ARAP2: variants seen among roughly 807,000 people sequenced by gnomAD.
ARAP2 encodes the protein ArfGAP with RhoGAP domain, ankyrin repeat and PH domain 2, also known as arf-GAP with Rho-GAP domain, ANK repeat and PH domain-containing protein 2.
Under a neutral mutation model 194.5 loss-of-function variants are expected in ARAP2, and 148 were observed. That is an observed-to-expected ratio of 0.76 (90% CI 0.67 to 0.87). ARAP2 has a LOEUF of 0.87. ARAP2 is among the 40% of genes least tolerant of loss of function. ARAP2 has a pLI of 0.00. For missense variants in ARAP2, 2,128 were observed against 1,989.7 expected (o/e 1.07, Z -1.32); for synonymous variants, 695 against 683.5 (o/e 1.02, Z -0.26).
At position 36,068,174 on chromosome 4, in the gene ARAP2, C is replaced by T. The variant is rs1725936564; in HGVS notation, c.4848G>A (p.Leu1616=). ...TTCGAAGTTTATCGTCCTTGTGCTC[C>T]AGGCAGTGGGCCACCATGGAAGCTC... ...KERASMVAHC[L]EHKDDKLRNR... is the part of the protein sequence containing the mutation. Residue 1616 remains leucine, a synonymous_variant, in exon 33 of 33, where the codon CTG becomes CTA. Coordinates refer to ENST00000303965, the MANE Select transcript of ARAP2 (RefSeq NM_015230.4). The T allele has an allele frequency of 6.2e-7, 1 of 1,613,934 alleles. No individual in the cohort carries two copies.
At position 36,165,510 on chromosome 4, in the gene ARAP2, G is replaced by C. The variant is rs1360369745; in HGVS notation, c.1974-397C>G. On this transcript the variant is annotated intron_variant, in intron 10 of 32. Coordinates refer to ENST00000303965, the MANE Select transcript of ARAP2 (RefSeq NM_015230.4). ...CCAAGCAAGTATGCCATGATAGTCT[G>C]AAACTATGTTATCAAAAACACCCAC... 4.6e-5 allele frequency among the ~76,000 whole-genome samples: 7 copies of C among 151,878 alleles called. No individual in the cohort carries two copies. The East Asian group carries it at 1.2e-3, about 25-fold the overall frequency.
At chr4:36,203,584 A>G (rs1744905644) in intron 6 of ARAP2, among the ~76,000 whole-genome samples, 1 of 152,042 alleles carries the variant, frequency 6.6e-6, no homozygotes, top group Non-Finnish European at 1.5e-5. Flanking sequence ...ACTGTGTCTC[A>G]AAAAAACAAA....
At chr4:36,147,471 G>T in intron 18 of ARAP2, 77 bp downstream of exon 18, 1 of 1,558,444 alleles carries the variant, frequency 6.4e-7, no homozygotes, top group East Asian at 2.2e-5. Flanking sequence ...AAGCCATCAA[G>T]ATCTTACTAA....
chr4:36,149,674 CTTATT>C (rs1445443690), intron 16 of ARAP2, among the ~76,000 whole-genome samples: 1 of 152,100 alleles, frequency 6.6e-6, no homozygotes, highest in African/African-American at 2.4e-5. Context: ...ATAGAATCTA[CTTATT>C]TTAACATTCC....
intron 24 of ARAP2, among the ~76,000 whole-genome samples, chr4:36,117,582 G>T (rs1241944316): frequency 6.6e-6 from 1 of 151,588 alleles, no homozygotes; most frequent in Non-Finnish European, 1.5e-5. Flanking sequence ...TATTTAAAAG[G>T]CAAATTATGG....
intron 19 of ARAP2, among the ~76,000 whole-genome samples, chr4:36,134,368 T>C (rs1726149769): frequency 7.0e-6 from 1 of 142,230 alleles, no homozygotes; most frequent in South Asian, 2.2e-4. Flanking sequence ...TCAGTCTCTT[T>C]ACCCAACCAC....
intron 20 of ARAP2, among the ~76,000 whole-genome samples, chr4:36,129,087 C>T (rs1724730297): frequency 6.6e-6 from 1 of 151,964 alleles, no homozygotes; most frequent in Admixed American, 6.6e-5. Context: ...TTCTCACTGA[C>T]AAAAGTGAGG....
At chr4:36,198,613 G>A (rs1160922113) in intron 6 of ARAP2, among the ~76,000 whole-genome samples, 3 of 152,242 alleles carry the variant, frequency 2.0e-5, no homozygotes, top group African/African-American at 7.2e-5. Context: ...GAGTGGGGCT[G>A]AGGCAGCAGG....
At chr4:36,139,244 T>C (rs1560512053) in intron 19 of ARAP2, among the ~76,000 whole-genome samples, 1 of 151,682 alleles carries the variant, frequency 6.6e-6, no homozygotes, top group South Asian at 2.1e-4. Flanking sequence ...GGAATAAATA[T>C]GTTTGCCTAA....
intron 21 of ARAP2, 146 bp downstream of exon 21, chr4:36,128,387 T>C (rs1577991816): frequency 3.3e-6 from 2 of 605,980 alleles, no homozygotes; most frequent in Admixed American, 6.5e-5. Context: ...AGCCATTATG[T>C]ACATTGTTTC....
In ARAP2 at chr4:36,083,756, A is replaced by C. The variant is rs894620636; in HGVS notation, c.4426-306T>G. Among the ~76,000 whole-genome samples, 5 of 152,240 alleles carry C rather than the reference A, an allele frequency of 3.3e-5. No individual in the cohort carries two copies. In the East Asian group the frequency reaches 5.8e-4, roughly 18 times the overall value. Reference sequence around the variant, plus strand: ...AAACACTTGAGGTCAGATGTGCATCATGTCGTGGTTAATACTGAGTGCAAA... The same window carrying C: ...AAACACTTGAGGTCAGATGTGCATCCTGTCGTGGTTAATACTGAGTGCAAA... On this transcript the variant is annotated intron_variant, in intron 28 of 32. Coordinates refer to ENST00000303965, the MANE Select transcript of ARAP2 (RefSeq NM_015230.4).
At position 36,073,546 on chromosome 4, in the gene ARAP2, C is replaced by T. The variant is rs554735508; in HGVS notation, c.4743+143G>A. On this transcript the variant is annotated intron_variant, in intron 32 of 32. Transcript: ENST00000303965. ...TAAGGTTATTCATACTGTTTTCTTGCTGTATGTGATTATTACCATGCTTTA... is the reference window on the plus strand; with the variant it reads ...TAAGGTTATTCATACTGTTTTCTTGTTGTATGTGATTATTACCATGCTTTA... 58 of 934,526 alleles carry T rather than the reference C, an allele frequency of 6.2e-5. 2 individuals carry two copies. The South Asian group carries it at 1.1e-3, about 18-fold the overall frequency. 57.9% of individuals were successfully genotyped at this position (934,526 alleles called of 1,614,324 possible).
intron 1 of ARAP2, among the ~76,000 whole-genome samples, chr4:36,233,523 C>T (rs919744185): frequency 2.0e-5 from 3 of 152,222 alleles, no homozygotes; most frequent in Non-Finnish European, 2.9e-5. Context: ...CATCACTGTC[C>T]TCCTCTTGGA....
rs758968974 is a variant in ARAP2, at chr4:36,159,326, C to G, written c.2617+5G>C. On this transcript the variant is annotated splice_donor_5th_base_variant and intron_variant, in intron 14 of 32. Transcript: ENST00000303965. ...GACCAGGTTAATGAAGAGACAGTGA[C>G]GAACCTGAGAATTTGTTATGGTAGA... 1 of 1,592,010 alleles carries G rather than the reference C, an allele frequency of 6.3e-7. No homozygotes were observed.
intron 2 of ARAP2, 131 bp from the exon 3 acceptor site, chr4:36,214,611 G>C (rs1256085219): frequency 6.0e-6 from 3 of 496,232 alleles, no homozygotes; most frequent in Non-Finnish European, 9.7e-6. Flanking sequence ...TTATTAGAGA[G>C]CTATACATTC....
In ARAP2 at chr4:36,140,493, A is replaced by G. The variant is rs538418094; in HGVS notation, c.3263+6803T>C. ...TATTCAGATTAAGCCATCTCTAAGA[A>G]TTAAATCATCAGAAAGTTACAAAAG... On this transcript the variant is annotated intron_variant, in intron 19 of 32. Transcript: ENST00000303965. Among the ~76,000 whole-genome samples, 3 of 151,898 alleles carry G rather than the reference A, an allele frequency of 2.0e-5. No homozygotes were observed. The East Asian group carries it at 5.8e-4, about 29-fold the overall frequency.
chr4:36,147,415 C>T (rs1729899886), intron 18 of ARAP2, 56 bp from the exon 19 acceptor site: 2 of 1,585,600 alleles, frequency 1.3e-6, no homozygotes, highest in Non-Finnish European at 8.6e-7. Context: ...AATAAACACC[C>T]ATGAAGACAC....
chr4:36,149,754 TTAA>T (rs1730506150), intron 16 of ARAP2, among the ~76,000 whole-genome samples: 1 of 152,114 alleles, frequency 6.6e-6, no homozygotes, highest in African/African-American at 2.4e-5. Flanking sequence ...AACAAGTCAA[TTAA>T]TAATCAGTTT....
intron 2 of ARAP2, among the ~76,000 whole-genome samples, chr4:36,220,720 C>T (rs1748953087): frequency 6.6e-6 from 1 of 151,606 alleles, no homozygotes; most frequent in Non-Finnish European, 1.5e-5. Flanking sequence ...AAATTTTATA[C>T]CTTTTTAAAA....
Sources: allele counts gnomAD v4.1 joint callset (sites outside exome capture counted in the v4.1 genomes callset), GRCh38; gene constraint gnomAD v4.1.1; transcripts MANE v1.5; gene names NCBI Gene and HGNC (gene_info 2026-07-23, HGNC 2026-07-21).